CACNA1B: variants seen among roughly 807,000 people sequenced by gnomAD.
The protein encoded by CACNA1B is voltage-dependent N-type calcium channel subunit alpha-1B.
A neutral mutation model predicts 247.2 loss-of-function variants in CACNA1B; 70 were observed. The ratio of observed to expected loss-of-function variants is 0.28; its 90% CI spans 0.23 to 0.35. CACNA1B has a LOEUF of 0.35. Ranked by LOEUF, CACNA1B falls within the 10% of genes least tolerant of loss-of-function variation. CACNA1B has a pLI of 1.00. For synonymous variants in CACNA1B, 1,231 were observed against 1,294.4 expected, an observed-to-expected ratio of 0.95 and a Z score of 1.05; for missense variants, 2,367 against 3,197.4, an observed-to-expected ratio of 0.74 and a Z score of 6.26.
At chr9:138,061,966 G>T (rs557530691) in intron 31 of CACNA1B, among the ~76,000 whole-genome samples, 1 of 152,364 alleles carries the variant, frequency 6.6e-6, no homozygotes, top group Non-Finnish European at 1.5e-5. Context: ...CTGCTGTGTG[G>T]ACACTGGGGC....
At chr9:138,080,948 CT>C (rs764574630) in intron 36 of CACNA1B, among the ~76,000 whole-genome samples, 1 of 152,218 alleles carries the variant, frequency 6.6e-6, no homozygotes, top group South Asian at 2.1e-4. Flanking sequence ...TGTTTCACTA[CT>C]TGCTAGAAAC....
chr9:138,078,091 C>T (rs1442903245), intron 35 of CACNA1B, 23 bp from the exon 36 acceptor site: 3 of 1,611,446 alleles, frequency 1.9e-6, no homozygotes, highest in African/African-American at 2.7e-5. Context: ...CTGTGGGCCT[C>T]ACAACTCTGC....
At chr9:137,991,722 T>A (rs1958433693) in intron 15 of CACNA1B, among the ~76,000 whole-genome samples, 1 of 152,196 alleles carries the variant, frequency 6.6e-6, no homozygotes, top group Admixed American at 6.5e-5. Context: ...ACCTATCAGA[T>A]TAACAGAAGA....
Position 138,096,351 on chromosome 9 carries a change from G to A in CACNA1B, c.5095-133G>A, listed in dbSNP as rs576686932. The stretch of plus-strand genomic sequence containing the variant: ...GGAAGTCCCATGGGGAGAGCAGATC[G>A]GGCATGTGCTGGTCAAATCAGAGTG... On this transcript the variant is annotated intron_variant, in intron 36 of 46. Coordinates refer to ENST00000371372, the MANE Select transcript of CACNA1B (RefSeq NM_000718.4). The A allele has an allele frequency of 7.4e-5, 50 of 675,642 alleles. 1 individual carries two copies. The East Asian group carries it at 7.7e-4, about 10-fold the overall frequency. 41.9% of individuals were successfully genotyped at this position (675,642 alleles called of 1,614,324 possible).
rs59278949 is a variant in CACNA1B at position 137,888,035 on chromosome 9, G to A, written c.530+5152G>A. ...GGGGCAGGGGGGCCTTGGCTCGGGC[G>A]TTGGAGGGCTCTGAGCACAGGTGTG... On this transcript the variant is annotated intron_variant, in intron 3 of 46. Transcript: ENST00000371372. The surrounding 1 kb of genome is among the most constrained non-coding windows in gnomAD (Gnocchi z 4.7). Among the ~76,000 whole-genome samples, 2,635 of 151,716 alleles carry A rather than the reference G, an allele frequency of 0.017. 90 individuals are homozygous for A. The highest frequency in any genetic ancestry group is 0.06 in the African/African-American group (2,476 of 41,298).
intron 36 of CACNA1B, among the ~76,000 whole-genome samples, chr9:138,090,945 A>G (rs958859312): frequency 6.6e-6 from 1 of 152,090 alleles, no homozygotes; most frequent in African/African-American, 2.4e-5. Flanking sequence ...GAATGGAGAG[A>G]AAGGAGAACT....
chr9:137,960,439 G>GT (rs1958005900), intron 10 of CACNA1B, among the ~76,000 whole-genome samples: 3 of 21,760 alleles, frequency 1.4e-4, no homozygotes, highest in African/African-American at 1.9e-4. Context: ...AGAGACGGAG[G>GT]GGGAGGGGAG....
intron 6 of CACNA1B, among the ~76,000 whole-genome samples, chr9:137,947,493 A>T (rs1957810528): frequency 6.6e-6 from 1 of 152,198 alleles, no homozygotes; most frequent in Non-Finnish European, 1.5e-5. Flanking sequence ...AAAACTCAAA[A>T]GGAGAAACAA....
rs542311642 is a variant in CACNA1B, at chr9:138,014,051, C to A, written c.2267+816C>A. Among the ~76,000 whole-genome samples the A allele has an allele frequency of 6.6e-6, 1 of 152,258 alleles. No individual in the cohort carries two copies. The highest frequency in any genetic ancestry group is 2.4e-5 in the African/African-American group (1 of 41,474). ...CTCTTCAGCCGGCCACCCGCCCTGC[C>A]GTGAACACGGAACACAGGGCCGGGT... On this transcript the variant is annotated intron_variant, in intron 18 of 46. Transcript: ENST00000371372. This position sits in a 1 kb window ranked among gnomAD's most constrained non-coding sequence, Gnocchi z 6.2.
At chr9:137,933,346 C>T (rs1054518160) in intron 6 of CACNA1B, among the ~76,000 whole-genome samples, 9 of 152,120 alleles carry the variant, frequency 5.9e-5, no homozygotes, top group South Asian at 2.1e-4. Context: ...TCACCGCGTC[C>T]GGCACATTGA....
rs1319437844 is a variant in CACNA1B, at chr9:138,051,569, C to T, written c.3711-523C>T. 2.7e-5 allele frequency among the ~76,000 whole-genome samples: 4 copies of T among 150,884 alleles called. No individual in the cohort carries two copies. Among genetic ancestry groups the T allele is most frequent in the Non-Finnish European group, 4.4e-5 (3 of 67,710 alleles). On this transcript the variant is annotated intron_variant, in intron 24 of 46. Coordinates refer to ENST00000371372, the MANE Select transcript of CACNA1B (RefSeq NM_000718.4). This position sits in a 1 kb window ranked among gnomAD's most constrained non-coding sequence, Gnocchi z 4.3. ...CTTTTTCTCTTTCTTACTCTCCTTCCCCTCTTCTGTCTTCCCGCTGTCGGT... is the reference window on the plus strand; with the variant it reads ...CTTTTTCTCTTTCTTACTCTCCTTCTCCTCTTCTGTCTTCCCGCTGTCGGT...
intron 6 of CACNA1B, among the ~76,000 whole-genome samples, chr9:137,949,114 TGTGTCC>T (rs1564203177): frequency 0.016 from 14 of 862 alleles, no homozygotes; most frequent in African/African-American, 0.018. Flanking sequence ...GTGGTGGCTG[TGTGTCC>T]AGTGTGTGTG....
At position 138,102,673 on chromosome 9, in the gene CACNA1B, C is replaced by A; in HGVS notation, c.5223-38C>A. The A allele has an allele frequency of 7.5e-7, 1 of 1,329,008 alleles. No individual in the cohort carries two copies. The highest frequency in any genetic ancestry group is 1.1e-6 in the Non-Finnish European group (1 of 932,778). The allele number at this position is 1,329,008 out of a possible 1,614,324, so 82.3% of individuals were successfully genotyped here. On this transcript the variant is annotated intron_variant, in intron 37 of 46. Transcript: ENST00000371372. This position sits in a 1 kb window ranked among gnomAD's most constrained non-coding sequence, Gnocchi z 5.4. ...CTGCTGCCGCTCCTCCTGTGGACCA[C>A]CCCACTGTGCCCTGGCCTCGCTGGG...
chr9:137,986,606 C>T lies in CACNA1B; in HGVS notation c.1901+62C>T. Reference sequence around the variant, plus strand: ...GCTTGCAGGGAAGCAGAGCTCAGAGCAGACGGTGCCGCCCAGGCTGCCTCC... The same window carrying T: ...GCTTGCAGGGAAGCAGAGCTCAGAGTAGACGGTGCCGCCCAGGCTGCCTCC... On this transcript the variant is annotated intron_variant, in intron 14 of 46. Transcript: ENST00000371372. This position sits in a 1 kb window ranked among gnomAD's most constrained non-coding sequence, Gnocchi z 6.0. The T allele has an allele frequency of 3.8e-6, 6 of 1,592,908 alleles. No homozygotes were observed. Among genetic ancestry groups the T allele is most frequent in the East Asian group, 2.2e-5 (1 of 44,742 alleles).
rs1457628460 is a variant in CACNA1B, at chr9:137,957,120, G to A, written c.1243+293G>A. 6.6e-6 allele frequency among the ~76,000 whole-genome samples: 1 copy of A among 152,192 alleles called. No individual in the cohort carries two copies. On this transcript the variant is annotated intron_variant, in intron 9 of 46. Coordinates refer to ENST00000371372, the MANE Select transcript of CACNA1B (RefSeq NM_000718.4). The surrounding 1 kb of genome is among the most constrained non-coding windows in gnomAD (Gnocchi z 4.7). ...ACCTGGGGCCATGAGAGGGAGCCCG[G>A]GCCCCACTGCTGTGGTTGCTGGCAC...
At chr9:137,946,650 A>T (rs1330062844) in intron 6 of CACNA1B, among the ~76,000 whole-genome samples, 3 of 151,750 alleles carry the variant, frequency 2.0e-5, no homozygotes, top group Non-Finnish European at 4.4e-5. Flanking sequence ...TGAACCAGGC[A>T]GTGGTGGTCA....
rs915037023 is a variant in CACNA1B at position 137,952,098 on chromosome 9, G to T, written c.967-176G>T. Among the ~76,000 whole-genome samples the T allele has an allele frequency of 6.6e-6, 1 of 152,142 alleles. No individual in the cohort carries two copies. The highest frequency in any genetic ancestry group is 1.5e-5 in the Non-Finnish European group (1 of 68,030). ...CCAGCAAGGGCACGTCTGCCTGTGGGTGCTGCCTGGACTCCAGCCCCATGC... is the reference window on the plus strand; with the variant it reads ...CCAGCAAGGGCACGTCTGCCTGTGGTTGCTGCCTGGACTCCAGCCCCATGC... On this transcript the variant is annotated intron_variant, in intron 6 of 46. Coordinates refer to ENST00000371372, the MANE Select transcript of CACNA1B (RefSeq NM_000718.4). This position sits in a 1 kb window ranked among gnomAD's most constrained non-coding sequence, Gnocchi z 4.8.
chr9:137,976,473 G>C (rs181625876), intron 12 of CACNA1B, among the ~76,000 whole-genome samples: 117 of 152,394 alleles, frequency 7.7e-4, no homozygotes, highest in African/African-American at 2.5e-3. Flanking sequence ...GCTGGGGGAG[G>C]TGGTGGCCCT....
At chr9:137,941,670 G>A (rs539776929) in intron 6 of CACNA1B, among the ~76,000 whole-genome samples, 12 of 152,236 alleles carry the variant, frequency 7.9e-5, no homozygotes, top group Admixed American at 3.9e-4. Flanking sequence ...GCCAATGACA[G>A]AATAGAGAAC....
Sources: gnomAD v4.1 joint callset for allele counts (sites outside exome capture counted in the v4.1 genomes callset) on GRCh38, gnomAD v4.1.1 for gene constraint, Gnocchi (gnomAD v3.1) non-coding constraint, MANE v1.5 for transcripts, NCBI Gene and HGNC (gene_info 2026-07-23, HGNC 2026-07-21) for gene names.